Variants in IPCEF1 observed in about 807,000 individuals in gnomAD.
IPCEF1 encodes interactor protein for cytohesin exchange factors 1.
IPCEF1 carries 31 observed loss-of-function variants against 50.9 expected under a neutral mutation model. The observed-to-expected ratio is 0.61, with a 90% CI of 0.46 to 0.82. The LOEUF is 0.82. Among genes scored for constraint, IPCEF1 ranks in the 40% least tolerant of loss-of-function variants. The pLI, the probability that IPCEF1 is intolerant of heterozygous loss-of-function variation, is 0.00. For synonymous variants in IPCEF1, 181 were observed against 192.0 expected, an observed-to-expected ratio of 0.94 and a Z score of 0.47; for missense variants, 458 against 514.0, an observed-to-expected ratio of 0.89 and a Z score of 1.05.
At chr6:154,195,728 G>T (rs1157383374) in intron 10 of IPCEF1, among the ~76,000 whole-genome samples, 2 of 151,340 alleles carry the variant, frequency 1.3e-5, no homozygotes, top group African/African-American at 4.9e-5. Context: ...AATGTGTCTA[G>T]TTCCTCCCAC....
chr6:154,195,078 C>G (rs1776481076), intron 10 of IPCEF1, among the ~76,000 whole-genome samples: 1 of 151,778 alleles, frequency 6.6e-6, no homozygotes. Context: ...CCTAAACCTT[C>G]TTATGTCCTG....
At position 154,159,644 on chromosome 6, in the gene IPCEF1, C is replaced by T. The variant is rs1372595222; in HGVS notation, c.*184G>A. On this transcript the variant is annotated 3_prime_UTR_variant, in exon 12 of 12. Transcript: ENST00000367220. Reference sequence around the variant, plus strand: ...CATTCCAATCTCAATGGATGCGTTACGACTGAAATGAGGAGCCCTGGTGTA... The same window carrying T: ...CATTCCAATCTCAATGGATGCGTTATGACTGAAATGAGGAGCCCTGGTGTA... 3.3e-6 allele frequency: 2 copies of T among 604,160 alleles called. No homozygotes were observed. Among genetic ancestry groups the T allele is most frequent in the East Asian group, 2.8e-5 (1 of 35,092 alleles). The allele number at this position is 604,160 out of a possible 1,614,324, so 37.4% of individuals were successfully genotyped here. A position where few individuals can be genotyped will look rare whatever the true frequency, so the allele number is the denominator to read the frequency against.
At position 154,307,591 on chromosome 6, in the gene IPCEF1, G is replaced by A. The variant is rs559032061; in HGVS notation, c.-61-17835C>T. On this transcript the variant is annotated intron_variant, in intron 1 of 11. Coordinates refer to ENST00000367220, the MANE Select transcript of IPCEF1 (RefSeq NM_001130700.2). The stretch of plus-strand genomic sequence containing the variant: ...AGAGACACAGTTTAAGCCTATAACC[G>A]TGGTCCAGAACTGTCTTTTATTTCT... Among the ~76,000 whole-genome samples, 55 of 152,292 alleles carry A rather than the reference G, an allele frequency of 3.6e-4. No individual in the cohort carries two copies. The South Asian group carries it at 5.8e-3, about 16-fold the overall frequency.
intron 2 of IPCEF1, among the ~76,000 whole-genome samples, chr6:154,267,503 C>T (rs921936399): frequency 2.6e-5 from 4 of 152,168 alleles, no homozygotes; most frequent in African/African-American, 9.7e-5. Context: ...GGTTGTCGCT[C>T]TTCTGGCCAG....
chr6:154,306,245 C>T (rs535685290), intron 1 of IPCEF1, among the ~76,000 whole-genome samples: 1 of 152,164 alleles, frequency 6.6e-6, no homozygotes, highest in African/African-American at 2.4e-5. Context: ...GAACCCCCTA[C>T]CTTGTCTTCT....
chr6:154,211,264 AAATT>A (rs1015664428), intron 9 of IPCEF1, among the ~76,000 whole-genome samples: 1 of 151,972 alleles, frequency 6.6e-6, no homozygotes, highest in Non-Finnish European at 1.5e-5. Context: ...AAAATACAAA[AAATT>A]AGCCGGGCGA....
At position 154,256,987 on chromosome 6, in the gene IPCEF1, T is replaced by C. The variant is rs570228603; in HGVS notation, c.36+8925A>G. 9.1e-4 allele frequency among the ~76,000 whole-genome samples: 138 copies of C among 152,358 alleles called. 1 individual carries two copies. Among genetic ancestry groups the C allele is most frequent in the Non-Finnish European group, 1.3e-3 (90 of 68,034 alleles). Reference sequence around the variant, plus strand: ...TTCTGAACATGTTTAAGGCAGGCTATGCTAAGCTATGATGTTCAGTAGATT... The same window carrying C: ...TTCTGAACATGTTTAAGGCAGGCTACGCTAAGCTATGATGTTCAGTAGATT... On this transcript the variant is annotated intron_variant, in intron 3 of 11. Transcript: ENST00000367220.
intron 3 of IPCEF1, among the ~76,000 whole-genome samples, chr6:154,258,523 G>C (rs902979338): frequency 5.3e-5 from 8 of 152,118 alleles, no homozygotes; most frequent in African/African-American, 1.9e-4. Flanking sequence ...TGGTAACACT[G>C]CCTACCCAAC....
intron 1 of IPCEF1, among the ~76,000 whole-genome samples, chr6:154,309,874 C>T (rs1331166420): frequency 6.6e-6 from 1 of 151,944 alleles, no homozygotes; most frequent in African/African-American, 2.4e-5. Flanking sequence ...AGCAAATCTC[C>T]TGGGTCAGCC....
chr6:154,316,800 C>A (rs1438059911), intron 1 of IPCEF1, among the ~76,000 whole-genome samples: 2 of 152,104 alleles, frequency 1.3e-5, no homozygotes, highest in Non-Finnish European at 2.9e-5. Context: ...TAAGATTAGA[C>A]ATGTTATTTA....
chr6:154,285,733 G>A (rs1432367304), intron 2 of IPCEF1, among the ~76,000 whole-genome samples: 2 of 152,052 alleles, frequency 1.3e-5, no homozygotes, highest in Non-Finnish European at 2.9e-5. Flanking sequence ...TTTCTTCACT[G>A]CCAGCATACA....
At chr6:154,306,951 G>T (rs899001532) in intron 1 of IPCEF1, among the ~76,000 whole-genome samples, 4 of 152,018 alleles carry the variant, frequency 2.6e-5, no homozygotes, top group African/African-American at 9.7e-5. Context: ...GTATCAGTTT[G>T]CCAGGCAGCC....
At chr6:154,247,338 C>T (rs111873068) in intron 4 of IPCEF1, 111 bp downstream of exon 4, 10 of 798,416 alleles carry the variant, frequency 1.3e-5, no homozygotes, top group African/African-American at 1.2e-4. Flanking sequence ...TCCACCTCCT[C>T]TTATTAGCAT....
chr6:154,303,077 A>G lies in IPCEF1; in HGVS notation c.-61-13321T>C, dbSNP rs1342233831. ...ATCAGATTTTGAACGCAACTATATT[A>G]TAGCTATGATAGCACTTTTTTTTTT... On this transcript the variant is annotated intron_variant, in intron 1 of 11. Transcript: ENST00000367220. Among the ~76,000 whole-genome samples, 4 of 146,760 alleles carry G rather than the reference A, an allele frequency of 2.7e-5. No individual in the cohort carries two copies. The East Asian group carries it at 8.0e-4, about 29-fold the overall frequency.
chr6:154,193,400 T>C (rs1802107546), intron 10 of IPCEF1, among the ~76,000 whole-genome samples: 1 of 152,108 alleles, frequency 6.6e-6, no homozygotes, highest in African/African-American at 2.4e-5. Flanking sequence ...AGACTACAAG[T>C]TGGGTACAGT....
intron 5 of IPCEF1, among the ~76,000 whole-genome samples, chr6:154,234,777 T>A (rs938855432): frequency 6.6e-6 from 1 of 152,228 alleles, no homozygotes; most frequent in African/African-American, 2.4e-5. Context: ...TAAGTGAAAT[T>A]AAGTTACTAG....
At chr6:154,354,489 T>TCCACA (rs1562300369) in intron 1 of IPCEF1, among the ~76,000 whole-genome samples, 30 of 26,066 alleles carry the variant, frequency 1.2e-3, no homozygotes, top group Admixed American at 3.6e-3. Flanking sequence ...CCACCATCTC[T>TCCACA]ACCGTCACTT....
At chr6:154,302,733 C>T (rs1185890987) in intron 1 of IPCEF1, among the ~76,000 whole-genome samples, 1 of 152,098 alleles carries the variant, frequency 6.6e-6, no homozygotes, top group African/African-American at 2.4e-5. Context: ...CCTCGGCCTC[C>T]CAAAGTGCTG....
At chr6:154,247,807 A>G (rs1781181544) in intron 3 of IPCEF1, 1 of 269,048 alleles carries the variant, frequency 3.7e-6, no homozygotes. Flanking sequence ...TTAAAAATCA[A>G]AAAATATTTC....
Sources: gnomAD v4.1 joint callset for allele counts (sites outside exome capture counted in the v4.1 genomes callset) on GRCh38, gnomAD v4.1.1 for gene constraint, MANE v1.5 for transcripts, NCBI Gene and HGNC (gene_info 2026-07-23, HGNC 2026-07-21) for gene names.